TMC5: variants seen among roughly 807,000 people sequenced by gnomAD.
TMC5 encodes the protein transmembrane channel like 5, also known as transmembrane channel-like protein 5.
In TMC5, 86 loss-of-function variants were observed where a neutral mutation model predicts 110.5. The observed-to-expected ratio is 0.78, with a 90% CI of 0.65 to 0.93. The LOEUF is 0.93. Ranked by LOEUF, TMC5 falls within the 40% of genes least tolerant of loss-of-function variation. TMC5 has a pLI of 0.00. For synonymous variants in TMC5, 455 were observed against 439.5 expected (o/e 1.04, Z -0.44); for missense variants, 1,144 against 1,222.8 (o/e 0.94, Z 0.96).
rs1217266717 is a variant in TMC5 at position 19,487,308 on chromosome 16, T to C, written c.2555T>C (p.Leu852Pro). 3.7e-6 allele frequency: 6 copies of C among 1,613,774 alleles called. No homozygotes were observed. The East Asian group carries it at 1.3e-4, about 36-fold the overall frequency. The change falls in exon 17 of 22, where the codon CTG becomes CCG. Residue 852 changes from leucine to proline, a missense_variant. Transcript: ENST00000542583. The stretch of plus-strand genomic sequence containing the variant: ...TCCTTCACCGGGGTCTTGTGCACCC[T>C]GGCCATCACCATCTGGAGGTAGGAG... ...FPSFTGVLCT[L>P]AITIWRLKPS... is the part of the protein sequence containing the mutation.
chr16:19,462,941 G>A (rs905048291), intron 6 of TMC5, among the ~76,000 whole-genome samples: 7 of 151,606 alleles, frequency 4.6e-5, no homozygotes, highest in South Asian at 2.1e-4. Context: ...ATGAGGTCTC[G>A]TTCAGTTGCC....
At chr16:19,451,202 C>T (rs1299629367) in intron 5 of TMC5, among the ~76,000 whole-genome samples, 1 of 152,042 alleles carries the variant, frequency 6.6e-6, no homozygotes, top group East Asian at 1.9e-4. Flanking sequence ...AGTGCTGGAG[C>T]CACAAGGCAA....
chr16:19,448,562 T>C (rs1324281415), intron 4 of TMC5, among the ~76,000 whole-genome samples: 1 of 151,578 alleles, frequency 6.6e-6, no homozygotes, highest in Non-Finnish European at 1.5e-5. Flanking sequence ...AAAGCTGCAG[T>C]GAGCTGAAAT....
intron 10 of TMC5, 67 bp downstream of exon 10, chr16:19,469,892 A>G: frequency 6.5e-7 from 1 of 1,528,216 alleles, no homozygotes; most frequent in African/African-American, 1.6e-5. Flanking sequence ...TATACCTGTA[A>G]CTTTTCTTTT....
In TMC5 at chr16:19,426,536, A is replaced by G. The variant is rs552014478; in HGVS notation, c.-307-3877A>G. 4.6e-5 allele frequency among the ~76,000 whole-genome samples: 7 copies of G among 152,202 alleles called. No homozygotes were observed. The South Asian group carries it at 6.3e-4, about 14-fold the overall frequency. ...TTGGATAGCAGAGGAGCCCACTCCT[A>G]GTAGATCTCAGTGGGTGCAAGAGCC... is the stretch of plus-strand genomic sequence containing the variant. On this transcript the variant is annotated intron_variant, in intron 1 of 21. Coordinates refer to ENST00000542583, the MANE Select transcript of TMC5 (RefSeq NM_001261841.2).
At chr16:19,460,827 A>G (rs1968002880) in intron 6 of TMC5, among the ~76,000 whole-genome samples, 1 of 152,214 alleles carries the variant, frequency 6.6e-6, no homozygotes, top group Non-Finnish European at 1.5e-5. Flanking sequence ...AAACAAGGAA[A>G]GTCTGAGAAA....
chr16:19,476,650 A>G (rs1968497374), intron 12 of TMC5, among the ~76,000 whole-genome samples: 1 of 152,246 alleles, frequency 6.6e-6, no homozygotes, highest in Admixed American at 6.5e-5. Context: ...TACTATCATT[A>G]TAATGGGAAG....
intron 2 of TMC5, among the ~76,000 whole-genome samples, chr16:19,435,089 A>G (rs1304885867): frequency 6.6e-6 from 1 of 152,222 alleles, no homozygotes; most frequent in Admixed American, 6.5e-5. Flanking sequence ...GAAAATTGGA[A>G]ATATTTGTGA....
At chr16:19,465,255 C>A (rs1260971853) in intron 8 of TMC5, among the ~76,000 whole-genome samples, 1 of 151,962 alleles carries the variant, frequency 6.6e-6, no homozygotes. Context: ...AATAATCAGC[C>A]GGGTACGGTG....
intron 5 of TMC5, among the ~76,000 whole-genome samples, chr16:19,451,219 G>C (rs545911086): frequency 1.8e-4 from 28 of 152,264 alleles, no homozygotes; most frequent in South Asian, 8.3e-4. Flanking sequence ...GCAAATCTGT[G>C]AGCAACAAGG....
intron 10 of TMC5, among the ~76,000 whole-genome samples, chr16:19,470,721 TAAAAAAAAAAAAAAA>T (rs60087070): frequency 1.7e-4 from 7 of 41,306 alleles, no homozygotes; most frequent in African/African-American, 3.9e-4. Context: ...ACAAACTTAT[TAAAAAAAAAAAAAAA>T]AAAAAAAAAA....
At chr16:19,421,129 A>G (rs1966973372) in intron 1 of TMC5, among the ~76,000 whole-genome samples, 1 of 152,214 alleles carries the variant, frequency 6.6e-6, no homozygotes. Context: ...GAGAAAGATC[A>G]GAGCTGGAGC....
chr16:19,420,637 AT>A (rs1966963591), intron 1 of TMC5, among the ~76,000 whole-genome samples: 1 of 151,934 alleles, frequency 6.6e-6, no homozygotes, highest in African/African-American at 2.4e-5. Context: ...AATTTTTAAA[AT>A]TTTTTGTAGA....
At position 19,449,541 on chromosome 16, in the gene TMC5, G is replaced by A; in HGVS notation, c.959-1G>A. Reference sequence around the variant, plus strand: ...CAATATCTCCTTCCTCTTCCCTCCAGTGAACCCTGCTTATGTAGGTGAAAG... The same window carrying A: ...CAATATCTCCTTCCTCTTCCCTCCAATGAACCCTGCTTATGTAGGTGAAAG... On this transcript the variant is annotated splice_acceptor_variant, in intron 4 of 21. Transcript: ENST00000542583. LOFTEE classifies it high-confidence loss of function. The A allele has an allele frequency of 6.2e-7, 1 of 1,613,872 alleles. No individual in the cohort carries two copies. The highest frequency in any genetic ancestry group is 8.5e-7 in the Non-Finnish European group (1 of 1,179,860).
chr16:19,440,816 A>T lies in TMC5; in HGVS notation c.778A>T (p.Met260Leu). 3.7e-6 allele frequency: 6 copies of T among 1,612,802 alleles called. No homozygotes were observed. Among genetic ancestry groups the T allele is most frequent in the Non-Finnish European group, 5.1e-6 (6 of 1,179,610 alleles). Reference protein sequence around the residue: ...HDYGSSETPKMTRGVLSRTSS... With the variant: ...HDYGSSETPKLTRGVLSRTSS... The stretch of plus-strand genomic sequence containing the variant: ...TTATGGCTCTTCTGAGACCCCAAAG[A>T]TGACCAGGGGGTAAGTTCAGATATA... The change falls in exon 3 of 22, where the codon ATG becomes TTG. Residue 260 changes from methionine (M) to leucine (L), a missense_variant. Physicochemically the swap from Met to Leu is conservative, Grantham distance 15 (BLOSUM62 2). Coordinates refer to ENST00000542583, the MANE Select transcript of TMC5 (RefSeq NM_001261841.2).
At chr16:19,466,437 C>T (rs1293695571) in intron 9 of TMC5, among the ~76,000 whole-genome samples, 1 of 152,120 alleles carries the variant, frequency 6.6e-6, no homozygotes, top group Non-Finnish European at 1.5e-5. Flanking sequence ...CTGCAACCTC[C>T]ACCTCCCAGG....
At chr16:19,435,155 G>A (rs771499702) in intron 2 of TMC5, among the ~76,000 whole-genome samples, 26 of 152,044 alleles carry the variant, frequency 1.7e-4, no homozygotes, top group Admixed American at 3.9e-4. Flanking sequence ...AGAATCGGAA[G>A]GTTTTATGTT....
chr16:19,488,540 C>T, intron 17 of TMC5, among the ~76,000 whole-genome samples: 1 of 152,082 alleles, frequency 6.6e-6, no homozygotes, highest in Middle Eastern at 3.2e-3. Context: ...CACCCTCACC[C>T]CATTCCTGGA....
At chr16:19,415,673 C>T (rs894787278), upstream of TMC5, among the ~76,000 whole-genome samples, 4 of 152,298 alleles carry the variant, frequency 2.6e-5, no homozygotes, top group Non-Finnish European at 5.9e-5. Flanking sequence ...CAGAACCGCA[C>T]GATCCAGGTG....
Sources: gnomAD v4.1 joint callset for allele counts (sites outside exome capture counted in the v4.1 genomes callset) on GRCh38, gnomAD v4.1.1 for gene constraint, MANE v1.5 for transcripts, NCBI Gene and HGNC (gene_info 2026-07-23, HGNC 2026-07-21) for gene names.